Variants in CNTLN observed in about 807,000 individuals in gnomAD.
CNTLN encodes centlein.
In CNTLN, 212 loss-of-function variants were observed where a neutral mutation model predicts 180.0. The observed-to-expected ratio is 1.18, with a 90% CI of 1.05 to 1.32. The LOEUF (loss-of-function observed/expected upper bound fraction) is 1.32. Among genes scored for constraint, CNTLN ranks in the 40% most tolerant of loss-of-function variants. The probability of loss-of-function intolerance (pLI) is 0.00; values close to 1 mark genes in which losing one functional copy is unlikely to be tolerated. For missense variants in CNTLN, 2,095 were observed against 1,610.9 expected, an observed-to-expected ratio of 1.30 and a Z score of -5.14; for synonymous variants, 722 against 563.1, an observed-to-expected ratio of 1.28 and a Z score of -3.99.
chr9:17,289,947 G>A (rs1013804502), intron 6 of CNTLN, among the ~76,000 whole-genome samples: 6 of 150,032 alleles, frequency 4.0e-5, no homozygotes, highest in African/African-American at 1.5e-4. Flanking sequence ...CTTTGCCTTT[G>A]GTTTGAATGT....
chr9:17,403,589 T>C (rs1827148348), intron 15 of CNTLN, among the ~76,000 whole-genome samples: 1 of 151,524 alleles, frequency 6.6e-6, no homozygotes, highest in African/African-American at 2.4e-5. Flanking sequence ...GGTATGGTTT[T>C]GTCTATTATA....
intron 18 of CNTLN, among the ~76,000 whole-genome samples, chr9:17,429,089 A>T (rs1007129533): frequency 1.3e-5 from 2 of 152,052 alleles, no homozygotes; most frequent in Admixed American, 1.3e-4. Context: ...TAGATGTTTT[A>T]AATAAAAATA....
Position 17,304,732 on chromosome 9 carries a change from A to G in CNTLN, c.1147-4326A>G, listed in dbSNP as rs1818590573. 2.0e-5 allele frequency among the ~76,000 whole-genome samples: 3 copies of G among 152,170 alleles called. No homozygotes were observed. In the South Asian group the frequency reaches 6.2e-4, roughly 31 times the overall value. The stretch of plus-strand genomic sequence containing the variant: ...AATGAAAAATAGCAATACAACAATA[A>G]AAATTAATAAGAAAAAGTATAACAA... On this transcript the variant is annotated intron_variant, in intron 7 of 25. Transcript: ENST00000380647.
intron 2 of CNTLN, among the ~76,000 whole-genome samples, chr9:17,205,397 CAT>C (rs2131913638): frequency 6.6e-6 from 1 of 152,302 alleles, no homozygotes; most frequent in East Asian, 1.9e-4. Context: ...AGGGAAGAGA[CAT>C]ACATATATTT....
chr9:17,316,381 T>G (rs1434255242), intron 8 of CNTLN, among the ~76,000 whole-genome samples: 1 of 152,084 alleles, frequency 6.6e-6, no homozygotes, highest in Non-Finnish European at 1.5e-5. Flanking sequence ...ATTTTAAAAT[T>G]TATTCTGTCT....
At chr9:17,295,997 A>AGAGAGAGAGAGAGT (rs1342910465) in intron 6 of CNTLN, among the ~76,000 whole-genome samples, 18 of 91,338 alleles carry the variant, frequency 2.0e-4, no homozygotes, top group African/African-American at 1.1e-3. Flanking sequence ...AGAGAGAGAG[A>AGAGAGAGAGAGAGT]GTGTGTGTGT....
intron 5 of CNTLN, among the ~76,000 whole-genome samples, chr9:17,237,049 C>G (rs2132160575): frequency 6.6e-6 from 1 of 151,988 alleles, no homozygotes; most frequent in African/African-American, 2.4e-5. Context: ...AAGGTGCTTT[C>G]TTTGACTTTA....
chr9:17,295,019 G>A (rs555133267), intron 6 of CNTLN, among the ~76,000 whole-genome samples: 3 of 151,682 alleles, frequency 2.0e-5, no homozygotes, highest in Admixed American at 6.6e-5. Flanking sequence ...TGAGAGCAGC[G>A]CCGGTGGGCC....
intron 2 of CNTLN, among the ~76,000 whole-genome samples, chr9:17,170,253 A>C (rs1202197516): frequency 6.6e-6 from 1 of 152,144 alleles, no homozygotes; most frequent in Admixed American, 6.5e-5. Flanking sequence ...ACTTAACTAA[A>C]TTTGTTTACT....
intron 10 of CNTLN, among the ~76,000 whole-genome samples, chr9:17,337,318 A>C (rs1364665341): frequency 6.6e-6 from 1 of 151,844 alleles, no homozygotes; most frequent in Non-Finnish European, 1.5e-5. Context: ...GTTTTATTAG[A>C]TCCCATTTGT....
At chr9:17,462,367 T>A (rs1244552978) in intron 19 of CNTLN, among the ~76,000 whole-genome samples, 3 of 151,696 alleles carry the variant, frequency 2.0e-5, no homozygotes, top group African/African-American at 7.2e-5. Flanking sequence ...TGGAGCAGCA[T>A]TCCAAGAAGG....
chr9:17,484,278 T>C lies in CNTLN; in HGVS notation c.3856-17T>C, dbSNP rs992283125. 3.2e-6 allele frequency: 5 copies of C among 1,565,234 alleles called. No homozygotes were observed. In the African/African-American group the frequency reaches 4.2e-5, roughly 13 times the overall value. The stretch of plus-strand genomic sequence containing the variant: ...ATGACTTTAATATAAGCTCAATTTC[T>C]TTCCAATATGTTACAGGCTTTGGCC... On this transcript the variant is annotated splice_polypyrimidine_tract_variant and intron_variant, in intron 23 of 25. Transcript: ENST00000380647.
chr9:17,424,908 A>G lies in CNTLN; in HGVS notation c.3114+8719A>G, dbSNP rs556441703. Reference sequence around the variant, plus strand: ...CCTAGCCTCCCAAACCATGAGCTAAATAAAACTCTATTCTTATAAATTGGC... The same window carrying G: ...CCTAGCCTCCCAAACCATGAGCTAAGTAAAACTCTATTCTTATAAATTGGC... On this transcript the variant is annotated intron_variant, in intron 18 of 25. Coordinates refer to ENST00000380647, the MANE Select transcript of CNTLN (RefSeq NM_017738.4). Among the ~76,000 whole-genome samples, 7 of 152,302 alleles carry G rather than the reference A, an allele frequency of 4.6e-5. No individual in the cohort carries two copies. The South Asian group carries it at 1.5e-3, about 32-fold the overall frequency.
intron 5 of CNTLN, among the ~76,000 whole-genome samples, chr9:17,272,864 G>C (rs945227580): frequency 3.3e-5 from 5 of 151,966 alleles, no homozygotes; most frequent in African/African-American, 1.2e-4. Context: ...GATAGAGTAA[G>C]TTTTTAAAAA....
chr9:17,290,989 G>C (rs554775677), intron 6 of CNTLN, among the ~76,000 whole-genome samples: 2 of 152,110 alleles, frequency 1.3e-5, no homozygotes, highest in East Asian at 1.9e-4. Context: ...CATGCTGGGA[G>C]CTGTAGACCG....
intron 25 of CNTLN, among the ~76,000 whole-genome samples, chr9:17,495,861 T>G (rs528487975): frequency 1.3e-5 from 2 of 152,148 alleles, no homozygotes; most frequent in Non-Finnish European, 2.9e-5. Flanking sequence ...TTTCCTATGT[T>G]TAGGTATACT....
At chr9:17,394,294 A>C (rs1212239363) in intron 14 of CNTLN, among the ~76,000 whole-genome samples, 1 of 152,172 alleles carries the variant, frequency 6.6e-6, no homozygotes, top group Non-Finnish European at 1.5e-5. Flanking sequence ...TAGCATACTT[A>C]GTTCTGTCAC....
intron 15 of CNTLN, among the ~76,000 whole-genome samples, chr9:17,398,252 C>T (rs1052000310): frequency 6.6e-6 from 1 of 152,052 alleles, no homozygotes; most frequent in Non-Finnish European, 1.5e-5. Flanking sequence ...AAAAGGGGCT[C>T]GTTGCCTTAT....
At chr9:17,273,689 G>A in intron 5 of CNTLN, 44 bp from the exon 6 acceptor site, 5 of 1,024,590 alleles carry the variant, frequency 4.9e-6, no homozygotes, top group Non-Finnish European at 6.9e-6. Context: ...GTTACATGTA[G>A]TATTTATTAT....
Sources: gnomAD v4.1 joint callset for allele counts (sites outside exome capture counted in the v4.1 genomes callset) on GRCh38, gnomAD v4.1.1 for gene constraint, MANE v1.5 for transcripts, NCBI Gene and HGNC (gene_info 2026-07-23, HGNC 2026-07-21) for gene names.